The following SORL1 variants were observed in gnomAD, a reference collection of about 807,000 sequenced individuals.
The protein encoded by SORL1 is sortilin-related receptor.
A neutral mutation model predicts 273.7 loss-of-function variants in SORL1; 127 were observed. The ratio of observed to expected loss-of-function variants is 0.46; its 90% confidence interval spans 0.40 to 0.54. The LOEUF (loss-of-function observed/expected upper bound fraction) is 0.54, where lower values mean the gene tolerates loss of function less well. SORL1 is among the 20% of genes least tolerant of loss of function. The pLI is 0.00. For synonymous variants in SORL1, 1,031 were observed against 1,067.4 expected (o/e 0.97, Z 0.66); for missense variants, 2,494 against 2,846.1 (o/e 0.88, Z 2.81).
At chr11:121,505,080 C>G (rs1056364495) in intron 6 of SORL1, among the ~76,000 whole-genome samples, 6 of 152,134 alleles carry the variant, frequency 3.9e-5, no homozygotes, top group East Asian at 1.9e-4. Context: ...TCATTTTTAT[C>G]CTTTAATTTG....
At chr11:121,559,696 T>C in intron 21 of SORL1, 39 bp downstream of exon 21, 2 of 1,604,516 alleles carry the variant, frequency 1.2e-6, no homozygotes, top group South Asian at 2.2e-5. Flanking sequence ...GTAGAGTTGA[T>C]CTCAAGAAAG....
At chr11:121,453,459 T>G (rs1860845797) in intron 1 of SORL1, among the ~76,000 whole-genome samples, 1 of 152,142 alleles carries the variant, frequency 6.6e-6, no homozygotes, top group African/African-American at 2.4e-5. Context: ...AATTTGACCG[T>G]GTTATTGCCT....
At chr11:121,615,113 C>A in intron 41 of SORL1, 58 bp downstream of exon 41, 1 of 1,371,012 alleles carries the variant, frequency 7.3e-7, no homozygotes, top group Non-Finnish European at 9.9e-7. Flanking sequence ...TAATGCTACG[C>A]CACCACACAA....
intron 1 of SORL1, among the ~76,000 whole-genome samples, chr11:121,461,368 TA>T (rs2134769370): frequency 6.6e-6 from 1 of 152,244 alleles, no homozygotes; most frequent in African/African-American, 2.4e-5. Context: ...AAGAGCTATC[TA>T]AACAGAGCTG....
intron 32 of SORL1, among the ~76,000 whole-genome samples, chr11:121,603,609 G>C (rs1033646805): frequency 3.9e-5 from 6 of 152,102 alleles, no homozygotes; most frequent in African/African-American, 1.4e-4. Flanking sequence ...TTCATTTTCT[G>C]TTCAAGTACT....
chr11:121,483,399 C>T (rs1393420836), intron 3 of SORL1, among the ~76,000 whole-genome samples: 2 of 152,346 alleles, frequency 1.3e-5, no homozygotes, highest in East Asian at 1.9e-4. Context: ...TCCTTCATTG[C>T]CTTCTCTGCC....
chr11:121,480,333 A>G (rs926843368), intron 3 of SORL1, among the ~76,000 whole-genome samples: 1 of 152,130 alleles, frequency 6.6e-6, no homozygotes, highest in African/African-American at 2.4e-5. Flanking sequence ...GAAAAAAACT[A>G]ATCAAATATT....
chr11:121,494,807 C>T (rs1861603685), intron 5 of SORL1, among the ~76,000 whole-genome samples: 1 of 152,134 alleles, frequency 6.6e-6, no homozygotes. Flanking sequence ...CAAAATAGCT[C>T]AATAAAGGTT....
At chr11:121,606,070 G>A (rs1863468544) in intron 35 of SORL1, among the ~76,000 whole-genome samples, 1 of 152,152 alleles carries the variant, frequency 6.6e-6, no homozygotes, top group Non-Finnish European at 1.5e-5. Context: ...CTATAGGTGT[G>A]TGCCACCATG....
At chr11:121,621,298 A>G in intron 44 of SORL1, 60 bp downstream of exon 44, 3 of 1,413,844 alleles carry the variant, frequency 2.1e-6, no homozygotes, top group Non-Finnish European at 2.9e-6. Context: ...CTGTGCCGCT[A>G]GACCTCCAGA....
intron 28 of SORL1, among the ~76,000 whole-genome samples, 178 bp downstream of exon 28, chr11:121,588,329 A>G (rs376872756): frequency 6.6e-6 from 1 of 152,170 alleles, no homozygotes; most frequent in African/African-American, 2.4e-5. Flanking sequence ...TGAGCATCCA[A>G]GCTTGCCTTT....
At position 121,621,138 on chromosome 11, in the gene SORL1, T is replaced by C. The variant is rs1863717805; in HGVS notation, c.5964T>C (p.Thr1988=). The change falls in exon 44 of 48, where the codon ACT becomes ACC. Residue 1988 remains threonine (T), a synonymous_variant. Transcript: ENST00000260197. ...RSYKVKSRNS[T]VEYTLNKLEP... ...ACAAAGTAAAATCCCGTAACAGCAC[T>C]GTGGAATACACCCTTAACAAGTTGG... The C allele has an allele frequency of 1.2e-6, 2 of 1,613,958 alleles. No individual in the cohort carries two copies. Among genetic ancestry groups the C allele is most frequent in the South Asian group, 2.2e-5 (2 of 91,084 alleles).
At chr11:121,625,821 A>T (rs1863788101) in intron 46 of SORL1, among the ~76,000 whole-genome samples, 1 of 152,190 alleles carries the variant, frequency 6.6e-6, no homozygotes, top group African/African-American at 2.4e-5. Flanking sequence ...CCTTCCGTTC[A>T]TACAGAAAGT....
At chr11:121,585,292 T>G (rs540785154) in intron 26 of SORL1, among the ~76,000 whole-genome samples, 2 of 152,316 alleles carry the variant, frequency 1.3e-5, no homozygotes, top group African/African-American at 4.8e-5. Flanking sequence ...GAGATCAGCC[T>G]GGGCAACATA....
chr11:121,525,180 T>C (rs1862103740), intron 11 of SORL1, among the ~76,000 whole-genome samples: 1 of 152,238 alleles, frequency 6.6e-6, no homozygotes, highest in Non-Finnish European at 1.5e-5. Context: ...GAATAGGTTA[T>C]TCATTGGCAT....
intron 14 of SORL1, among the ~76,000 whole-genome samples, chr11:121,546,086 C>G (rs1046519680): frequency 6.6e-6 from 1 of 152,186 alleles, no homozygotes; most frequent in Non-Finnish European, 1.5e-5. Flanking sequence ...TATTTGCAGA[C>G]AGCAGTGTTT....
rs574065373 is a variant in SORL1 at position 121,480,090 on chromosome 11, G to T, written c.528+1847G>T. Among the ~76,000 whole-genome samples the T allele has an allele frequency of 2.0e-5, 3 of 152,256 alleles. 1 individual carries two copies. The South Asian group carries it at 6.2e-4, about 32-fold the overall frequency. On this transcript the variant is annotated intron_variant, in intron 3 of 47. Coordinates refer to ENST00000260197, the MANE Select transcript of SORL1 (RefSeq NM_003105.6). ...GGTCCAGCTCATAGCTGCCTCTTCT[G>T]TGGATGGATCCATATGCGCCCCGCC...
intron 12 of SORL1, among the ~76,000 whole-genome samples, chr11:121,539,859 T>C (rs1305387840): frequency 6.6e-6 from 1 of 152,176 alleles, no homozygotes; most frequent in Admixed American, 6.5e-5. Context: ...AATTGATACA[T>C]ATGATTATGT....
intron 35 of SORL1, 108 bp downstream of exon 35, chr11:121,605,679 T>G: frequency 2.3e-6 from 2 of 861,726 alleles, no homozygotes; most frequent in Non-Finnish European, 3.8e-6. Flanking sequence ...GTGCCTCACA[T>G]GTACAGAAGT....
Sources: allele counts gnomAD v4.1 joint callset (sites outside exome capture counted in the v4.1 genomes callset), GRCh38; gene constraint gnomAD v4.1.1; transcripts MANE v1.5; gene names NCBI Gene and HGNC (gene_info 2026-07-23, HGNC 2026-07-21).